JUP: variants seen among roughly 807,000 people sequenced by gnomAD.
JUP encodes the protein catenin (cadherin-associated protein), gamma 80kDa.
A neutral mutation model predicts 71.1 loss-of-function variants in JUP; 28 were observed. The observed-to-expected ratio is 0.39, with a 90% CI of 0.29 to 0.54. The LOEUF (loss-of-function observed/expected upper bound fraction) is 0.54, where lower values mean the gene tolerates loss of function less well. JUP is among the 20% of genes least tolerant of loss of function. The pLI, the probability that JUP is intolerant of heterozygous loss-of-function variation, is 0.62. For synonymous variants in JUP, 401 were observed against 438.9 expected, an observed-to-expected ratio of 0.91 and a Z score of 1.08; for missense variants, 869 against 1,030.1, an observed-to-expected ratio of 0.84 and a Z score of 2.14.
intron 12 of JUP, 86 bp from the exon 13 acceptor site, chr17:41,756,300 T>G: frequency 7.2e-7 from 1 of 1,382,652 alleles, no homozygotes; most frequent in Non-Finnish European, 1.0e-6. Context: ...GGAGAGATGC[T>G]TCTAAAAGAG....
At position 41,762,162 on chromosome 17, in the gene JUP, AGAGAGAGAGAGAGAGT is replaced by A. The variant is rs1177258251; in HGVS notation, c.1497+805_1497+820del. 7.9e-3 allele frequency among the ~76,000 whole-genome samples: 683 copies of A among 86,964 alleles called. 1 individual carries two copies. Among genetic ancestry groups the A allele is most frequent in the African/African-American group, 0.017 (389 of 23,078 alleles). The allele number at this position is 86,964 out of a possible 152,430, so 57.1% of individuals were successfully genotyped here. A position where few individuals can be genotyped will look rare whatever the true frequency, so the allele number is the denominator to read the frequency against. On this transcript the variant is annotated intron_variant, in intron 8 of 13. Coordinates refer to ENST00000393931, the MANE Select transcript of JUP (RefSeq NM_002230.4). ...GAGAGAGAGAGAGAGAGAGAGAGAGAGAGAGAGAGAGAGAGTGTGTGTGTGTGTGTGTGTGTGTGTG... is the reference window on the plus strand; with the variant it reads ...GAGAGAGAGAGAGAGAGAGAGAGAGAGTGTGTGTGTGTGTGTGTGTGTGTG...
rs1555605903 is a variant in JUP at position 41,769,604 on chromosome 17, T to C, written c.282A>G (p.Ser94=). 6.2e-7 allele frequency: 1 copy of C among 1,605,898 alleles called. No homozygotes were observed. Among genetic ancestry groups the C allele is most frequent in the Non-Finnish European group, 8.5e-7 (1 of 1,177,098 alleles). Residue 94 remains serine, a synonymous_variant, in exon 3 of 14, where the codon TCA becomes TCG. Transcript: ENST00000393931. ...RVREAMCPGV[S]GEDSSLLLAT... ...CCAGCAGAAGCGAGCTGTCCTCGCC[T>C]GACACACCAGGGCACATGGCCTCCC...
At chr17:41,756,874 T>G (rs1412634605) in intron 12 of JUP, among the ~76,000 whole-genome samples, 2 of 152,060 alleles carry the variant, frequency 1.3e-5, no homozygotes, top group African/African-American at 4.8e-5. Flanking sequence ...CACTCCAGCC[T>G]GGCGACAGAG....
intron 11 of JUP, 38 bp downstream of exon 11, chr17:41,757,596 G>C (rs782517682): frequency 6.2e-7 from 1 of 1,614,060 alleles, no homozygotes; most frequent in Non-Finnish European, 8.5e-7. Flanking sequence ...TCGTGGCTGG[G>C]GGAGTGGGAC....
At chr17:41,767,690 C>A in intron 4 of JUP, 110 bp from the exon 5 acceptor site, 1 of 825,828 alleles carries the variant, frequency 1.2e-6, no homozygotes. Flanking sequence ...TACTGACGCC[C>A]CTCTGGAAAT....
intron 9 of JUP, 81 bp from the exon 10 acceptor site, chr17:41,758,599 T>G: frequency 1.9e-6 from 3 of 1,580,118 alleles, no homozygotes; most frequent in Non-Finnish European, 1.7e-6. Flanking sequence ...CGAATGAACT[T>G]CACAGGTTCT....
intron 12 of JUP, among the ~76,000 whole-genome samples, chr17:41,757,017 C>T (rs1191774798): frequency 6.6e-6 from 1 of 152,188 alleles, no homozygotes; most frequent in Non-Finnish European, 1.5e-5. Flanking sequence ...CTCATGTCCT[C>T]GGTACTCCCC....
intron 1 of JUP, chr17:41,773,026 A>G: frequency 3.1e-6 from 3 of 980,170 alleles, no homozygotes; most frequent in African/African-American, 1.7e-5. Context: ...AAGCCCATGC[A>G]CTGGTCCCCC....
At chr17:41,760,686 G>T (rs1277655715) in intron 8 of JUP, among the ~76,000 whole-genome samples, 1 of 152,142 alleles carries the variant, frequency 6.6e-6, no homozygotes, top group East Asian at 1.9e-4. Flanking sequence ...TCAGCCTTCC[G>T]AGTAGCTGAG....
At chr17:41,760,177 T>C (rs1453783931) in intron 8 of JUP, among the ~76,000 whole-genome samples, 15 of 151,566 alleles carry the variant, frequency 9.9e-5, no homozygotes, top group Non-Finnish European at 1.5e-5. Flanking sequence ...ATAATAATAA[T>C]AATAAAAAAT....
chr17:41,762,156 AGAGAGAGAGAGAGAGAGAGAGTGTGT>A (rs1376202505), intron 8 of JUP, among the ~76,000 whole-genome samples: 16 of 116,384 alleles, frequency 1.4e-4, no homozygotes, highest in African/African-American at 2.2e-4. Context: ...AGAGAGAGAG[AGAGAGAGAGAGAGAGAGAGAGTGTGT>A]GTGTGTGTGT....
chr17:41,758,349 C>T, intron 10 of JUP, 50 bp downstream of exon 10: 1 of 1,610,802 alleles, frequency 6.2e-7, no homozygotes, highest in East Asian at 2.2e-5. Context: ...TAACCTTGCC[C>T]TTTAAGCAGT....
intron 5 of JUP, among the ~76,000 whole-genome samples, chr17:41,767,046 C>CA (rs57624378): frequency 0.11 from 8,344 of 75,490 alleles, 877 homozygotes; most frequent in African/African-American, 0.31. Flanking sequence ...GACCCTGTCT[C>CA]AAAAAAAAAA....
chr17:41,772,316 G>A (rs574137351), intron 1 of JUP: 2 of 291,666 alleles, frequency 6.9e-6, no homozygotes, highest in East Asian at 8.5e-5. Context: ...GCAGGGAGGA[G>A]GCACCCAAGC....
At chr17:41,765,301 G>A (rs1915536606) in intron 5 of JUP, among the ~76,000 whole-genome samples, 1 of 152,086 alleles carries the variant, frequency 6.6e-6, no homozygotes, top group African/African-American at 2.4e-5. Flanking sequence ...CTCCCAAAGT[G>A]CTGGGATTAC....
chr17:41,763,381 G>T, intron 7 of JUP, 60 bp from the exon 8 acceptor site: 1 of 1,297,822 alleles, frequency 7.7e-7, no homozygotes, highest in Non-Finnish European at 1.1e-6. Context: ...GAGCCTTCTC[G>T]AATATGTCCA....
chr17:41,769,688 T>C lies in JUP; in HGVS notation c.209-11A>G. 1 of 1,606,944 alleles carries C rather than the reference T, an allele frequency of 6.2e-7. No individual in the cohort carries two copies. The highest frequency in any genetic ancestry group is 2.2e-5 in the East Asian group (1 of 44,690). On this transcript the variant is annotated splice_polypyrimidine_tract_variant and intron_variant, in intron 2 of 13. Coordinates refer to ENST00000393931, the MANE Select transcript of JUP (RefSeq NM_002230.4). ...GGTACTCCAGATCACCTGGGGGCCA[T>C]GGGGACAGGGACTGAGTGCAGGCAG...
At chr17:41,776,156 G>A (rs1555608592) in intron 1 of JUP, 1 of 188,540 alleles carries the variant, frequency 5.3e-6, no homozygotes, top group Non-Finnish European at 9.9e-6. Flanking sequence ...AGAGGAGCAG[G>A]GCGGAGCAGG....
chr17:41,774,734 G>T (rs527658748), intron 1 of JUP, among the ~76,000 whole-genome samples: 5 of 152,304 alleles, frequency 3.3e-5, no homozygotes, highest in Non-Finnish European at 2.9e-5. Flanking sequence ...AGCCTGGGTG[G>T]AGCTGAGCCC....
Sources: allele counts gnomAD v4.1 joint callset (sites outside exome capture counted in the v4.1 genomes callset), GRCh38; gene constraint gnomAD v4.1.1; transcripts MANE v1.5; gene names NCBI Gene and HGNC (gene_info 2026-07-23, HGNC 2026-07-21).